Variants in BCL9 observed in about 807,000 individuals in gnomAD.
BCL9 encodes BCL9 transcription coactivator, also known as B-cell CLL/lymphoma 9 protein.
Under a neutral mutation model 88.5 loss-of-function variants are expected in BCL9, and 25 were observed. The observed-to-expected ratio is 0.28, with a 90% confidence interval of 0.21 to 0.39. The LOEUF is 0.39. BCL9 is among the 10% of genes least tolerant of loss of function. The pLI is 1.00. For synonymous variants in BCL9, 711 were observed against 673.3 expected (o/e 1.06, Z -0.87); for missense variants, 1,817 against 1,877.8 (o/e 0.97, Z 0.60).
At chr1:147,614,832 ATATC>A (rs1347644985) in intron 6 of BCL9, among the ~76,000 whole-genome samples, 3 of 135,700 alleles carry the variant, frequency 2.2e-5, no homozygotes, top group Admixed American at 8.6e-5. Context: ...ATATACATAT[ATATC>A]TCTTTTTCTT....
At chr1:147,608,627 T>A (rs1657850205) in intron 3 of BCL9, among the ~76,000 whole-genome samples, 1 of 152,122 alleles carries the variant, frequency 6.6e-6, no homozygotes, top group Non-Finnish European at 1.5e-5. Context: ...ACTGGGCAAG[T>A]CCAGGTATTG....
Position 147,619,670 on chromosome 1 carries a change from C to T in BCL9, c.1515C>T (p.His505=), listed in dbSNP as rs782720985. ...TCCAGGACATGATGGTCCATCAGCA[C>T]GGGCCTCGGGGAGTGGTCCGAGGAC... ...CSLQDMMVHQ[H]GPRGVVRGPP... is the part of the protein sequence containing the mutation. The change falls in exon 8 of 10, where the codon CAC becomes CAT. Residue 505 remains histidine, a synonymous_variant. Coordinates refer to ENST00000234739, the MANE Select transcript of BCL9 (RefSeq NM_004326.4). The surrounding 1 kb of genome is among the most constrained non-coding windows in gnomAD (Gnocchi z 4.1). 22 of 1,613,960 alleles carry T rather than the reference C, an allele frequency of 1.4e-5. No individual in the cohort carries two copies. The highest frequency in any genetic ancestry group is 9.3e-5 in the African/African-American group (7 of 74,904).
chr1:147,624,213 C>T lies in BCL9; in HGVS notation c.3535C>T (p.Arg1179Cys), dbSNP rs144064932. 1.6e-5 allele frequency: 26 copies of T among 1,611,010 alleles called. No individual in the cohort carries two copies. Among genetic ancestry groups the T allele is most frequent in the African/African-American group, 1.6e-4 (12 of 74,848 alleles). ...MGFPGEGPLG[R>C]PSNLPQSSAD... ...TTTCCCAGGAGAAGGCCCCCTTGGC[C>T]GCCCCAGCAACCTGCCCCAAAGTTC... is the stretch of plus-strand genomic sequence containing the variant. Residue 1179 changes from arginine (R) to cysteine (C), a missense_variant, in exon 10 of 10, where the codon CGC becomes TGC. This residue lies in a region of BCL9 where 589 missense variants were observed against 686.2 expected (regional missense o/e 0.86). Coordinates refer to ENST00000234739, the MANE Select transcript of BCL9 (RefSeq NM_004326.4). This position sits in a 1 kb window ranked among gnomAD's most constrained non-coding sequence, Gnocchi z 4.4.
intron 5 of BCL9, 78 bp downstream of exon 5, chr1:147,613,277 A>G: frequency 6.8e-7 from 1 of 1,464,742 alleles, no homozygotes; most frequent in Non-Finnish European, 9.5e-7. Flanking sequence ...GACAGAGGCC[A>G]GAGAGCCTAA....
intron 1 of BCL9, among the ~76,000 whole-genome samples, chr1:147,587,079 G>A (rs1472661473): frequency 6.7e-6 from 1 of 149,204 alleles, no homozygotes; most frequent in African/African-American, 2.5e-5. Flanking sequence ...ACCCAACCCC[G>A]TCTCTCCTAA....
intron 1 of BCL9, among the ~76,000 whole-genome samples, chr1:147,563,122 T>G (rs1326601162): frequency 5.9e-5 from 9 of 152,226 alleles, no homozygotes; most frequent in African/African-American, 2.2e-4. Context: ...TTAGCTTAAA[T>G]GTCACCTCTT....
chr1:147,558,081 G>A (rs1347650273), intron 1 of BCL9, among the ~76,000 whole-genome samples: 1 of 152,112 alleles, frequency 6.6e-6, no homozygotes, highest in Non-Finnish European at 1.5e-5. Flanking sequence ...GTTAAAAAAT[G>A]TGCATCTTAG....
chr1:147,583,090 T>G (rs1656440460), intron 1 of BCL9, among the ~76,000 whole-genome samples: 1 of 152,228 alleles, frequency 6.6e-6, no homozygotes, highest in South Asian at 2.1e-4. Flanking sequence ...TAAATTTTTT[T>G]GTATTCACAT....
Position 147,619,469 on chromosome 1 carries a change from A to T in BCL9, c.1314A>T (p.Val438=), listed in dbSNP as rs1267162520. 1 of 1,613,934 alleles carries T rather than the reference A, an allele frequency of 6.2e-7. No individual in the cohort carries two copies. The highest frequency in any genetic ancestry group is 8.5e-7 in the Non-Finnish European group (1 of 1,180,006). The part of the protein sequence containing the change: ...APFGPQGHRD[V]PFSPDEMVPP... The stretch of plus-strand genomic sequence containing the variant: ...TTGGCCCTCAAGGACATAGAGATGT[A>T]CCCTTTTCTCCAGATGAAATGGTTC... Residue 438 remains valine (V), a synonymous_variant, in exon 8 of 10, where the codon GTA becomes GTT. Coordinates refer to ENST00000234739, the MANE Select transcript of BCL9 (RefSeq NM_004326.4). This position sits in a 1 kb window ranked among gnomAD's most constrained non-coding sequence, Gnocchi z 4.1.
At chr1:147,541,855 C>A (rs1201016622) in intron 1 of BCL9, among the ~76,000 whole-genome samples, 181 bp downstream of exon 1, 1 of 151,612 alleles carries the variant, frequency 6.6e-6, no homozygotes, top group South Asian at 2.1e-4. Flanking sequence ...TCGAGGGAAC[C>A]CCAGTAACAC....
At chr1:147,578,493 A>G (rs1656209213) in intron 1 of BCL9, among the ~76,000 whole-genome samples, 1 of 152,228 alleles carries the variant, frequency 6.6e-6, no homozygotes, top group Admixed American at 6.5e-5. Context: ...TTTCACCTCC[A>G]AGATATCTCA....
intron 1 of BCL9, among the ~76,000 whole-genome samples, chr1:147,594,344 A>G (rs1205520768): frequency 1.3e-5 from 2 of 152,226 alleles, no homozygotes; most frequent in East Asian, 3.8e-4. Context: ...CAAAGACAGA[A>G]GATGTTGAGC....
chr1:147,618,635 T>TTA (rs1658423749), intron 7 of BCL9, among the ~76,000 whole-genome samples, 181 bp from the exon 8 acceptor site: 1 of 147,568 alleles, frequency 6.8e-6, no homozygotes, highest in Admixed American at 6.7e-5. Flanking sequence ...ACAGTAAGTT[T>TTA]AAAAAAAAAA....
intron 1 of BCL9, among the ~76,000 whole-genome samples, chr1:147,564,715 A>G (rs782009735): frequency 3.9e-5 from 6 of 152,186 alleles, no homozygotes; most frequent in Non-Finnish European, 7.3e-5. Context: ...CCTTCTTTTT[A>G]GAAGGTCTAA....
Position 147,620,180 on chromosome 1 carries a change from C to T in BCL9, c.2025C>T (p.Pro675=). The T allele has an allele frequency of 6.2e-7, 1 of 1,614,054 alleles. No individual in the cohort carries two copies. Among genetic ancestry groups the T allele is most frequent in the Non-Finnish European group, 8.5e-7 (1 of 1,179,954 alleles). The change falls in exon 8 of 10, where the codon CCC becomes CCT. Residue 675 remains proline (P), a synonymous_variant. Coordinates refer to ENST00000234739, the MANE Select transcript of BCL9 (RefSeq NM_004326.4). ...SQRHMEPGNN[P]IFPRIPVEGP... ...GCCACATGGAGCCTGGGAATAACCC[C>T]ATTTTCCCTCGAATACCAGTTGAGG...
At chr1:147,622,634 A>G in intron 9 of BCL9, 103 bp downstream of exon 9, 1 of 1,415,580 alleles carries the variant, frequency 7.1e-7, no homozygotes, top group Non-Finnish European at 9.5e-7. Flanking sequence ...TGGAAGTTCA[A>G]CAAGTAGAAA....
chr1:147,567,488 A>C (rs1655661126), intron 1 of BCL9, among the ~76,000 whole-genome samples: 1 of 152,216 alleles, frequency 6.6e-6, no homozygotes, highest in Non-Finnish European at 1.5e-5. Flanking sequence ...CCTAAAGGAA[A>C]TTTGGGAGGG....
intron 7 of BCL9, among the ~76,000 whole-genome samples, chr1:147,616,178 G>A (rs1407967691): frequency 6.6e-6 from 1 of 152,134 alleles, no homozygotes; most frequent in Non-Finnish European, 1.5e-5. Flanking sequence ...TCATGTAATC[G>A]TCTCTGGGAA....
rs1191188078 is a variant in BCL9, at chr1:147,604,846, G to A, written c.-408G>A. 1 of 152,198 alleles carries A rather than the reference G, an allele frequency of 6.6e-6. No homozygotes were observed. The highest frequency in any genetic ancestry group is 1.5e-5 in the Non-Finnish European group (1 of 68,046). The allele number at this position is 152,198 out of a possible 1,614,324, so 9.4% of individuals were successfully genotyped here. A position where few individuals can be genotyped will look rare whatever the true frequency, so the allele number is the denominator to read the frequency against. ...CATTCCCATCTGATTGGGTGGCAGA[G>A]ATCATTTTTGGAAAGTTCTTCCGTG... is the stretch of plus-strand genomic sequence containing the variant. On this transcript the variant is annotated 5_prime_UTR_variant, in exon 2 of 10. Coordinates refer to ENST00000234739, the MANE Select transcript of BCL9 (RefSeq NM_004326.4).
Sources: gnomAD v4.1 joint callset for allele counts (sites outside exome capture counted in the v4.1 genomes callset) on GRCh38, gnomAD v4.1.1 for gene constraint, gnomAD v4.1.1 regional missense constraint, Gnocchi (gnomAD v3.1) non-coding constraint, MANE v1.5 for transcripts, NCBI Gene and HGNC (gene_info 2026-07-23, HGNC 2026-07-21) for gene names.